Variants in PLXDC2 observed in about 807,000 individuals in gnomAD.
The protein encoded by PLXDC2 is plexin domain containing 2.
Under a neutral mutation model 68.9 loss-of-function variants are expected in PLXDC2, and 40 were observed. The observed-to-expected ratio is 0.58, with a 90% CI of 0.45 to 0.76. The LOEUF is 0.76. PLXDC2 is among the 30% of genes least tolerant of loss of function. PLXDC2 has a pLI of 0.00. For missense variants in PLXDC2, 644 were observed against 661.9 expected, an observed-to-expected ratio of 0.97 and a Z score of 0.30; for synonymous variants, 243 against 234.2, an observed-to-expected ratio of 1.04 and a Z score of -0.34.
chr10:20,014,355 TTTCC>T lies in PLXDC2; in HGVS notation c.324+12392_324+12395del, dbSNP rs1176511314. On this transcript the variant is annotated intron_variant, in intron 2 of 13. Coordinates refer to ENST00000377252, the MANE Select transcript of PLXDC2 (RefSeq NM_032812.9). Reference sequence around the variant, plus strand: ...CTCCCCACCTCCCTCCCTCCTTCCCTTTCCTTCCTTCCTTCCTTCCTTCCTTGCT... The same window carrying T: ...CTCCCCACCTCCCTCCCTCCTTCCCTTTCCTTCCTTCCTTCCTTCCTTGCT... 3.4e-3 allele frequency among the ~76,000 whole-genome samples: 360 copies of T among 105,524 alleles called. 5 individuals are homozygous for T. Among genetic ancestry groups the T allele is most frequent in the African/African-American group, 9.6e-3 (253 of 26,348 alleles). The allele number at this position is 105,524 out of a possible 152,430, so 69.2% of individuals were successfully genotyped here.
intron 9 of PLXDC2, among the ~76,000 whole-genome samples, chr10:20,177,935 G>T (rs1426448348): frequency 6.6e-6 from 1 of 152,024 alleles, no homozygotes; most frequent in African/African-American, 2.4e-5. Context: ...TTTATAGTCA[G>T]TAAGGCCATT....
intron 3 of PLXDC2, among the ~76,000 whole-genome samples, chr10:20,048,286 C>A (rs1262088716): frequency 6.6e-6 from 1 of 152,040 alleles, no homozygotes; most frequent in African/African-American, 2.4e-5. Context: ...CATGATGATT[C>A]ACTGAATTTT....
chr10:20,017,443 C>T (rs1835231931), intron 2 of PLXDC2, among the ~76,000 whole-genome samples: 1 of 152,166 alleles, frequency 6.6e-6, no homozygotes, highest in African/African-American at 2.4e-5. Flanking sequence ...TTCCAAGTTC[C>T]CCTGCGATGC....
intron 9 of PLXDC2, among the ~76,000 whole-genome samples, chr10:20,209,891 T>A (rs1423772020): frequency 6.6e-6 from 1 of 152,172 alleles, no homozygotes; most frequent in Non-Finnish European, 1.5e-5. Flanking sequence ...ACAATTTATG[T>A]TCAGAGATGG....
chr10:20,000,275 T>TTTTTG (rs1564652578), intron 1 of PLXDC2, among the ~76,000 whole-genome samples: 1 of 151,790 alleles, frequency 6.6e-6, no homozygotes, highest in Non-Finnish European at 1.5e-5. Context: ...TGAGTTTTTT[T>TTTTTG]TTTTGTTTTG....
At chr10:20,119,175 A>C (rs1833661331) in intron 4 of PLXDC2, among the ~76,000 whole-genome samples, 1 of 152,138 alleles carries the variant, frequency 6.6e-6, no homozygotes, top group Admixed American at 6.5e-5. Flanking sequence ...GTTGAAGGGA[A>C]AGGGTGATGC....
At chr10:20,009,876 A>G (rs571644082) in intron 2 of PLXDC2, among the ~76,000 whole-genome samples, 61 of 152,060 alleles carry the variant, frequency 4.0e-4, no homozygotes, top group African/African-American at 1.4e-3. Context: ...CAAGTTTGCA[A>G]TGATGCTCCT....
intron 2 of PLXDC2, among the ~76,000 whole-genome samples, chr10:20,040,106 A>G (rs886965738): frequency 6.6e-6 from 1 of 152,100 alleles, no homozygotes; most frequent in African/African-American, 2.4e-5. Context: ...CTTTAACCAG[A>G]ATTCTTTCTA....
intron 4 of PLXDC2, among the ~76,000 whole-genome samples, chr10:20,072,370 A>G (rs1211060140): frequency 6.6e-6 from 1 of 151,046 alleles, no homozygotes; most frequent in Non-Finnish European, 1.5e-5. Flanking sequence ...AACTCTATCA[A>G]AAAAAATAAA....
At position 20,274,553 on chromosome 10, in the gene PLXDC2, C is replaced by T. The variant is rs148324521; in HGVS notation, c.1474-5150C>T. ...CTGACGCAGGAAAATAAGGCAACTTCCACACCAGGAAGAATCAAAAGAGGG... is the reference window on the plus strand; with the variant it reads ...CTGACGCAGGAAAATAAGGCAACTTTCACACCAGGAAGAATCAAAAGAGGG... On this transcript the variant is annotated intron_variant, in intron 13 of 13. Transcript: ENST00000377252. Among the ~76,000 whole-genome samples the T allele has an allele frequency of 5.9e-5, 9 of 152,242 alleles. No individual in the cohort carries two copies. In the East Asian group the frequency reaches 1.2e-3, roughly 20 times the overall value.
chr10:19,969,960 G>A (rs1192349015), intron 1 of PLXDC2, among the ~76,000 whole-genome samples: 2 of 152,144 alleles, frequency 1.3e-5, no homozygotes, highest in East Asian at 3.9e-4. Context: ...GTGACACAGA[G>A]AACTCTAAGG....
intron 2 of PLXDC2, among the ~76,000 whole-genome samples, chr10:20,019,897 C>T (rs1281822043): frequency 6.6e-6 from 1 of 152,064 alleles, no homozygotes; most frequent in Non-Finnish European, 1.5e-5. Context: ...CAACATTTTT[C>T]CAAAAGGGAT....
At chr10:19,949,568 T>A (rs776117681) in intron 1 of PLXDC2, among the ~76,000 whole-genome samples, 1 of 152,206 alleles carries the variant, frequency 6.6e-6, no homozygotes. Flanking sequence ...ATAACAAGAA[T>A]GGTGCTTGGT....
chr10:19,844,296 G>A (rs759925103), intron 1 of PLXDC2, among the ~76,000 whole-genome samples: 29 of 152,262 alleles, frequency 1.9e-4, no homozygotes, highest in Non-Finnish European at 2.9e-4. Context: ...GTTTTTGAAC[G>A]AATGGTTCCT....
intron 4 of PLXDC2, among the ~76,000 whole-genome samples, chr10:20,126,116 T>C (rs1401806255): frequency 6.8e-6 from 1 of 147,600 alleles, no homozygotes; most frequent in East Asian, 2.0e-4. Context: ...GTATGTTTTA[T>C]ATATAATATA....
chr10:19,928,026 T>C (rs916308768), intron 1 of PLXDC2, among the ~76,000 whole-genome samples: 2 of 152,170 alleles, frequency 1.3e-5, no homozygotes, highest in Non-Finnish European at 2.9e-5. Flanking sequence ...TTAGCTCCCA[T>C]TTATGAGAAG....
chr10:19,873,789 C>T (rs1015735551), intron 1 of PLXDC2, among the ~76,000 whole-genome samples: 3 of 152,222 alleles, frequency 2.0e-5, no homozygotes, highest in East Asian at 1.9e-4. Context: ...GATCTATTTC[C>T]ACTGCAAAGT....
intron 2 of PLXDC2, among the ~76,000 whole-genome samples, chr10:20,043,053 T>C (rs913442951): frequency 4.6e-5 from 7 of 152,224 alleles, no homozygotes; most frequent in Non-Finnish European, 8.8e-5. Context: ...GACAACTCTT[T>C]AAGTGCCATT....
chr10:20,144,057 A>G (rs540455186), intron 5 of PLXDC2, among the ~76,000 whole-genome samples: 23 of 152,264 alleles, frequency 1.5e-4, no homozygotes, highest in African/African-American at 5.5e-4. Flanking sequence ...GAGAAATTCA[A>G]GGTCTTGGAG....
Sources: allele counts gnomAD v4.1 joint callset (sites outside exome capture counted in the v4.1 genomes callset), GRCh38; gene constraint gnomAD v4.1.1; transcripts MANE v1.5; gene names NCBI Gene and HGNC (gene_info 2026-07-23, HGNC 2026-07-21).